Variants in MAN1A1 observed in about 807,000 individuals in gnomAD.
MAN1A1 encodes mannosidase alpha class 1A member 1.
In MAN1A1, 29 loss-of-function variants were observed where a neutral mutation model predicts 70.8. That is an observed-to-expected ratio of 0.41 (90% CI 0.31 to 0.56). The LOEUF is 0.56. Ranked by LOEUF, MAN1A1 falls within the 20% of genes least tolerant of loss-of-function variation. The pLI is 0.29. For missense variants in MAN1A1, 747 were observed against 841.3 expected, an observed-to-expected ratio of 0.89 and a Z score of 1.39; for synonymous variants, 349 against 330.1, an observed-to-expected ratio of 1.06 and a Z score of -0.62.
intron 6 of MAN1A1, among the ~76,000 whole-genome samples, chr6:119,237,271 T>C (rs1016064283): frequency 6.6e-6 from 1 of 152,204 alleles, no homozygotes; most frequent in African/African-American, 2.4e-5. Context: ...AAAGAAGTTT[T>C]ACCGTGTGGA....
intron 5 of MAN1A1, among the ~76,000 whole-genome samples, chr6:119,271,553 G>A (rs1775924027): frequency 6.6e-6 from 1 of 151,708 alleles, no homozygotes; most frequent in Non-Finnish European, 1.5e-5. Flanking sequence ...AGGCTGGAGT[G>A]CAGTGGCGTG....
At chr6:119,347,150 G>C (rs1773750947) in intron 2 of MAN1A1, among the ~76,000 whole-genome samples, 1 of 152,154 alleles carries the variant, frequency 6.6e-6, no homozygotes, top group Non-Finnish European at 1.5e-5. Flanking sequence ...TTCCTAAACC[G>C]AAAGGGATCC....
At chr6:119,204,964 A>G (rs756584849) in intron 6 of MAN1A1, 82 bp from the exon 7 acceptor site, 10 of 1,464,596 alleles carry the variant, frequency 6.8e-6, no homozygotes, top group Non-Finnish European at 8.3e-6. Flanking sequence ...TGAAATAGAC[A>G]GCTTTTAAAA....
chr6:119,314,338 A>G (rs1288405788), intron 2 of MAN1A1, among the ~76,000 whole-genome samples: 9 of 152,244 alleles, frequency 5.9e-5, no homozygotes, highest in Admixed American at 5.9e-4. Context: ...TTTGTTCTAC[A>G]AATCAAACTG....
In MAN1A1 at chr6:119,204,878, T is replaced by C. The variant is rs1404800530; in HGVS notation, c.997A>G (p.Ile333Val). ...GAGGCCCAGGGCCAGTTCCTTCCAA[T>C]ACCACTAAAGAAGAGATGACGTCGA... ...PWALLNMKSG[I>V]GRNWPWASGG... Residue 333 changes from isoleucine to valine, a missense_variant, in exon 7 of 13, where the codon ATT (isoleucine) becomes GTT (valine). Ile to Val is a conservative substitution (Grantham distance 29). Coordinates refer to ENST00000368468, the MANE Select transcript of MAN1A1 (RefSeq NM_005907.4). 1.2e-6 allele frequency: 2 copies of C among 1,613,726 alleles called. No individual in the cohort carries two copies. The highest frequency in any genetic ancestry group is 2.7e-5 in the African/African-American group (2 of 75,020).
chr6:119,233,058 CAG>C (rs1339505342), intron 6 of MAN1A1, among the ~76,000 whole-genome samples: 1 of 152,158 alleles, frequency 6.6e-6, no homozygotes, highest in Non-Finnish European at 1.5e-5. Flanking sequence ...TCACTAGACT[CAG>C]AAACTCAGAT....
intron 5 of MAN1A1, among the ~76,000 whole-genome samples, chr6:119,264,100 T>C (rs897346245): frequency 6.6e-6 from 1 of 152,226 alleles, no homozygotes; most frequent in Non-Finnish European, 1.5e-5. Context: ...TTCATGGTAA[T>C]AGGTCAGTGG....
rs549684067 is a variant in MAN1A1 at position 119,216,104 on chromosome 6, C to G, written c.993-11222G>C. Reference sequence around the variant, plus strand: ...TGAGGGGACTCCAGTGCCAGGGCCTCTGGAGAGCTGATGCAGGGGCAGATT... The same window carrying G: ...TGAGGGGACTCCAGTGCCAGGGCCTGTGGAGAGCTGATGCAGGGGCAGATT... On this transcript the variant is annotated intron_variant, in intron 6 of 12. Coordinates refer to ENST00000368468, the MANE Select transcript of MAN1A1 (RefSeq NM_005907.4). Among the ~76,000 whole-genome samples, 495 of 152,278 alleles carry G rather than the reference C, an allele frequency of 3.3e-3. 1 individual carries two copies. The highest frequency in any genetic ancestry group is 5.3e-3 in the Admixed American group (81 of 15,294).
intron 5 of MAN1A1, among the ~76,000 whole-genome samples, chr6:119,281,901 CAA>C (rs113474047): frequency 1.7e-4 from 25 of 148,058 alleles, no homozygotes; most frequent in African/African-American, 6.2e-4. Context: ...ACTAAAAATA[CAA>C]AAAAAAAAAT....
intron 2 of MAN1A1, among the ~76,000 whole-genome samples, chr6:119,317,313 A>G (rs1772880639): frequency 1.3e-5 from 2 of 152,274 alleles, no homozygotes; most frequent in Admixed American, 1.3e-4. Context: ...GGTTTTGACA[A>G]TGTATAATGG....
chr6:119,267,338 T>A (rs1012428987), intron 5 of MAN1A1, among the ~76,000 whole-genome samples: 7 of 152,220 alleles, frequency 4.6e-5, no homozygotes, highest in African/African-American at 1.4e-4. Flanking sequence ...ATGTACATGT[T>A]TGAATTATGC....
intron 5 of MAN1A1, among the ~76,000 whole-genome samples, chr6:119,287,340 T>G (rs1164256019): frequency 1.3e-5 from 2 of 152,146 alleles, no homozygotes; most frequent in African/African-American, 2.4e-5. Flanking sequence ...ATATAGCTAT[T>G]GGTTTCTGTT....
intron 5 of MAN1A1, among the ~76,000 whole-genome samples, chr6:119,276,563 T>C (rs1048667539): frequency 5.3e-5 from 8 of 152,234 alleles, no homozygotes; most frequent in African/African-American, 1.9e-4. Context: ...AGTTTAGTTA[T>C]AAAGCATTAG....
intron 5 of MAN1A1, among the ~76,000 whole-genome samples, chr6:119,260,771 G>A (rs1428763568): frequency 1.3e-5 from 2 of 151,978 alleles, no homozygotes; most frequent in East Asian, 1.9e-4. Context: ...ACAATGCCCT[G>A]CCTTAATAAC....
At chr6:119,245,897 T>C (rs1049349289) in intron 6 of MAN1A1, among the ~76,000 whole-genome samples, 1 of 152,110 alleles carries the variant, frequency 6.6e-6, no homozygotes, top group South Asian at 2.1e-4. Context: ...TGAAGTCTTA[T>C]AAAAAATTTG....
intron 11 of MAN1A1, among the ~76,000 whole-genome samples, chr6:119,180,632 C>A (rs185483756): frequency 6.6e-6 from 1 of 152,022 alleles, no homozygotes; most frequent in African/African-American, 2.4e-5. Context: ...CCTGCCTCAG[C>A]CTCCCAAGTA....
At chr6:119,332,283 T>C (rs1346263923) in intron 2 of MAN1A1, among the ~76,000 whole-genome samples, 1 of 152,114 alleles carries the variant, frequency 6.6e-6, no homozygotes, top group Non-Finnish European at 1.5e-5. Flanking sequence ...CACTAACTGA[T>C]GGTATAAAAT....
At chr6:119,273,372 T>C (rs1003477406) in intron 5 of MAN1A1, among the ~76,000 whole-genome samples, 37 of 152,174 alleles carry the variant, frequency 2.4e-4, no homozygotes, top group Non-Finnish European at 4.7e-4. Context: ...GCTGAAATCA[T>C]ATCATACATG....
intron 9 of MAN1A1, 51 bp downstream of exon 9, chr6:119,193,726 C>A: frequency 7.8e-7 from 1 of 1,278,038 alleles, no homozygotes; most frequent in East Asian, 2.4e-5. Context: ...GATTAATATA[C>A]AAATTATAAG....
Sources: allele counts gnomAD v4.1 joint callset (sites outside exome capture counted in the v4.1 genomes callset), GRCh38; gene constraint gnomAD v4.1.1; transcripts MANE v1.5; gene names NCBI Gene and HGNC (gene_info 2026-07-23, HGNC 2026-07-21).